Variants in TICRR observed in about 807,000 individuals in gnomAD.
The protein encoded by TICRR is TOPBP1 interacting checkpoint and replication regulator.
TICRR carries 132 observed loss-of-function variants against 178.1 expected under a neutral mutation model. That is an observed-to-expected ratio of 0.74 (90% CI 0.64 to 0.86). The LOEUF (loss-of-function observed/expected upper bound fraction) is 0.86. Ranked by LOEUF, TICRR falls within the 40% of genes least tolerant of loss-of-function variation. The pLI, the probability that TICRR is intolerant of heterozygous loss-of-function variation, is 0.00. For missense variants in TICRR, 2,587 were observed against 2,334.3 expected (o/e 1.11, Z -2.23); for synonymous variants, 991 against 900.7 (o/e 1.10, Z -1.79).
intron 5 of TICRR, among the ~76,000 whole-genome samples, chr15:89,592,927 A>C (rs1459086975): frequency 1.3e-5 from 2 of 152,226 alleles, no homozygotes; most frequent in East Asian, 3.8e-4. Context: ...ACCTTTGTGC[A>C]GATTGATTTC....
In TICRR at chr15:89,576,228, C is replaced by A. The variant is rs760335639; in HGVS notation, c.642C>A (p.Thr214=). The A allele has an allele frequency of 2.3e-5, 37 of 1,580,232 alleles. No homozygotes were observed. In the African/African-American group the frequency reaches 4.3e-4, roughly 18 times the overall value. The stretch of plus-strand genomic sequence containing the variant: ...TCACCTTCTACTGGGTGGATACCAC[C>A]GAATGGTCTAAGGTAAGGAAGGTTA... ...RKITFYWVDT[T]EWSKLWESPD... Residue 214 remains threonine (T), a synonymous_variant, in exon 1 of 22, where the codon ACC becomes ACA. Transcript: ENST00000268138.
intron 19 of TICRR, among the ~76,000 whole-genome samples, chr15:89,622,135 A>G (rs2141982328): frequency 6.6e-6 from 1 of 151,844 alleles, no homozygotes; most frequent in East Asian, 1.9e-4. Flanking sequence ...ACAGGCACCC[A>G]CCACAACGCC....
Position 89,585,316 on chromosome 15 carries a change from A to G in TICRR, c.1177-392A>G, listed in dbSNP as rs536995909. ...GTATTTCTGCCTCATGGTTAAGTAC[A>G]TGGGTTTCAAAGTCACATATGCTTG... On this transcript the variant is annotated intron_variant, in intron 3 of 21. Coordinates refer to ENST00000268138, the MANE Select transcript of TICRR (RefSeq NM_152259.4). Among the ~76,000 whole-genome samples the G allele has an allele frequency of 2.6e-5, 4 of 152,342 alleles. No individual in the cohort carries two copies. In the East Asian group the frequency reaches 7.7e-4, roughly 29 times the overall value.
At chr15:89,626,135 C>A in intron 21 of TICRR, 74 bp downstream of exon 21, 1 of 1,571,360 alleles carries the variant, frequency 6.4e-7, no homozygotes, top group South Asian at 1.2e-5. Flanking sequence ...CCAGGCAGCT[C>A]GATTCTAGAG....
At chr15:89,616,620 A>C in intron 16 of TICRR, 125 bp downstream of exon 16, 1 of 698,068 alleles carries the variant, frequency 1.4e-6, no homozygotes, top group Non-Finnish European at 2.4e-6. Context: ...TTAAAACCAA[A>C]GAGCATTCTA....
chr15:89,621,204 A>G (rs1194800525), intron 18 of TICRR, among the ~76,000 whole-genome samples, 189 bp from the exon 19 acceptor site: 1 of 150,960 alleles, frequency 6.6e-6, no homozygotes, highest in Non-Finnish European at 1.5e-5. Context: ...TATTTTCAGT[A>G]GAGATGGTGT....
chr15:89,602,882 C>G lies in TICRR; in HGVS notation c.2654C>G (p.Ala885Gly). 6.6e-7 allele frequency: 1 copy of G among 1,511,052 alleles called. No homozygotes were observed. Among genetic ancestry groups the G allele is most frequent in the South Asian group, 1.4e-5 (1 of 72,612 alleles). 93.6% of individuals were successfully genotyped at this position (1,511,052 alleles called of 1,614,324 possible). Residue 885 changes from alanine (A) to glycine (G), a missense_variant, in exon 13 of 22, where the codon GCT becomes GGT. By Grantham distance (60) the Ala-to-Gly change is moderately conservative (BLOSUM62 0). Coordinates refer to ENST00000268138, the MANE Select transcript of TICRR (RefSeq NM_152259.4). ...GAAATTCCTAAAGTGTCAAAGAGAGCTACGAAAAAAGTAAGTAAACCTTCC... is the reference window on the plus strand; with the variant it reads ...GAAATTCCTAAAGTGTCAAAGAGAGGTACGAAAAAAGTAAGTAAACCTTCC... The part of the protein sequence containing the change: ...QIEIPKVSKR[A>G]TKKENSHPAP...
intron 15 of TICRR, among the ~76,000 whole-genome samples, chr15:89,609,352 A>T (rs776643293): frequency 3.3e-5 from 5 of 151,952 alleles, no homozygotes; most frequent in Admixed American, 6.6e-5. Context: ...AGCTCAAGCG[A>T]TCTGCCCTCC....
rs1319483774 is a variant in TICRR, at chr15:89,619,750, T to G, written c.3062T>G (p.Phe1021Cys). ...RRSPRIKQLSFSRTHSASFYS... is the reference protein window; with the variant it reads ...RRSPRIKQLSCSRTHSASFYS... ...AGTCCTCGAATCAAGCAGTTGTCATTTAGCAGGACACATTCTGCCTCCTTC... is the reference window on the plus strand; with the variant it reads ...AGTCCTCGAATCAAGCAGTTGTCATGTAGCAGGACACATTCTGCCTCCTTC... The change falls in exon 18 of 22, where the codon TTT (phenylalanine) becomes TGT (cysteine). Residue 1021 changes from phenylalanine to cysteine, a missense_variant. Physicochemically the swap from Phe to Cys is radical, Grantham distance 205 (BLOSUM62 -2). Transcript: ENST00000268138. The G allele has an allele frequency of 1.9e-6, 3 of 1,613,910 alleles. No homozygotes were observed. Among genetic ancestry groups the G allele is most frequent in the South Asian group, 1.1e-5 (1 of 91,006 alleles).
chr15:89,619,401 T>A (rs1040110003), intron 17 of TICRR, among the ~76,000 whole-genome samples: 10 of 152,034 alleles, frequency 6.6e-5, no homozygotes, highest in African/African-American at 2.4e-4. Flanking sequence ...AATTTTTGTA[T>A]TTTTAGTAGA....
chr15:89,579,527 G>C (rs1346489143), intron 1 of TICRR, among the ~76,000 whole-genome samples: 1 of 152,054 alleles, frequency 6.6e-6, no homozygotes, highest in Non-Finnish European at 1.5e-5. Flanking sequence ...TGTATTTTTA[G>C]TAGAGACAGG....
At chr15:89,599,202 T>G in intron 7 of TICRR, 122 bp from the exon 8 acceptor site, 1 of 298,388 alleles carries the variant, frequency 3.4e-6, no homozygotes, top group East Asian at 9.5e-5. Flanking sequence ...GTCATGACAA[T>G]CCAGACAAGG....
intron 2 of TICRR, 60 bp from the exon 3 acceptor site, chr15:89,584,226 T>C (rs1187659242): frequency 1.4e-5 from 21 of 1,470,722 alleles, no homozygotes; most frequent in Middle Eastern, 3.7e-4. Context: ...TATATTGGAA[T>C]TTTAATCTTT....
Position 89,591,179 on chromosome 15 carries a change from G to A in TICRR, c.1412-868G>A, listed in dbSNP as rs558449831. 3.9e-5 allele frequency among the ~76,000 whole-genome samples: 6 copies of A among 152,308 alleles called. No homozygotes were observed. In the South Asian group the frequency reaches 1.2e-3, roughly 32 times the overall value. ...TCGCTCTTGTCACCCAGGCTGGAGT[G>A]CAGTGGCGTGATCTCGGCTCACTGC... is the stretch of plus-strand genomic sequence containing the variant. On this transcript the variant is annotated intron_variant, in intron 4 of 21. Transcript: ENST00000268138.
chr15:89,586,482 A>C (rs945840105), intron 4 of TICRR, among the ~76,000 whole-genome samples: 2 of 152,224 alleles, frequency 1.3e-5, no homozygotes, highest in African/African-American at 4.8e-5. Context: ...AACAAAATGG[A>C]CAAAGATGTC....
At position 89,585,939 on chromosome 15, in the gene TICRR, G is replaced by A. The variant is rs751878810; in HGVS notation, c.1408G>A (p.Ala470Thr). The change falls in exon 4 of 22, where the codon GCT (alanine) becomes ACT (threonine). Residue 470 changes from alanine to threonine, a missense_variant. Transcript: ENST00000268138. ...THDSLADTASAASPVPEWAQQ... is the reference protein window; with the variant it reads ...THDSLADTASTASPVPEWAQQ... ...TGATTCGCTTGCAGATACTGCTTCT[G>A]CTGGTAAGCTCCTAAACTAGTAACT... 53 of 1,612,944 alleles carry A rather than the reference G, an allele frequency of 3.3e-5. No individual in the cohort carries two copies. Among genetic ancestry groups the A allele is most frequent in the Middle Eastern group, 1.6e-4 (1 of 6,070 alleles).
intron 13 of TICRR, among the ~76,000 whole-genome samples, chr15:89,605,930 G>C (rs1014092320): frequency 6.6e-6 from 1 of 152,210 alleles, no homozygotes; most frequent in African/African-American, 2.4e-5. Flanking sequence ...GTACATAGCA[G>C]TCTGATAAAG....
chr15:89,596,392 G>A (rs528472625), intron 7 of TICRR, among the ~76,000 whole-genome samples: 1 of 151,794 alleles, frequency 6.6e-6, no homozygotes, highest in Non-Finnish European at 1.5e-5. Flanking sequence ...TTTTGCCCAG[G>A]CTGGAGTGCA....
At chr15:89,626,117 C>G in intron 21 of TICRR, 56 bp downstream of exon 21, 1 of 1,588,842 alleles carries the variant, frequency 6.3e-7, no homozygotes, top group Middle Eastern at 1.7e-4. Flanking sequence ...CTGAATTCAC[C>G]AGGGTTGCCA....
Sources: gnomAD v4.1 joint callset for allele counts (sites outside exome capture counted in the v4.1 genomes callset) on GRCh38, gnomAD v4.1.1 for gene constraint, MANE v1.5 for transcripts, NCBI Gene and HGNC (gene_info 2026-07-23, HGNC 2026-07-21) for gene names.